The following KLHL8 variants were observed in gnomAD, a reference collection of about 807,000 sequenced individuals.
KLHL8 encodes kelch like family member 8, also known as kelch-like protein 8.
A neutral mutation model predicts 63.5 loss-of-function variants in KLHL8; 38 were observed. That is an observed-to-expected ratio of 0.60 (90% confidence interval 0.46 to 0.78). KLHL8 has a LOEUF of 0.78. KLHL8 is among the 30% of genes least tolerant of loss of function. The pLI is 0.00. For missense variants in KLHL8, 566 were observed against 752.4 expected (o/e 0.75, Z 2.90); for synonymous variants, 224 against 254.3 (o/e 0.88, Z 1.13).
chr4:87,199,837 AAAACAAAC>A (rs1274611221), intron 1 of KLHL8, among the ~76,000 whole-genome samples: 1 of 151,842 alleles, frequency 6.6e-6, no homozygotes, highest in African/African-American at 2.4e-5. Flanking sequence ...AAAACAAAAC[AAAACAAAC>A]AAACAAAAAC....
At chr4:87,229,446 G>C (rs960671434) in intron 1 of KLHL8, among the ~76,000 whole-genome samples, 12 of 150,274 alleles carry the variant, frequency 8.0e-5, no homozygotes, top group African/African-American at 2.9e-4. Flanking sequence ...GGTGGGGGGG[G>C]GTGCAGGGAA....
intron 8 of KLHL8, chr4:87,167,492 G>A: frequency 1.9e-6 from 1 of 531,092 alleles, no homozygotes; most frequent in South Asian, 1.4e-5. Flanking sequence ...GAGGAGGCTG[G>A]GAGCAATTTA....
chr4:87,182,606 C>T (rs1003396499), intron 4 of KLHL8, among the ~76,000 whole-genome samples: 12 of 151,394 alleles, frequency 7.9e-5, no homozygotes, highest in African/African-American at 2.9e-4. Flanking sequence ...AGCATAATGT[C>T]TCAAAAAAAA....
At position 87,220,538 on chromosome 4, in the gene KLHL8, C is replaced by G. The variant is rs989305002; in HGVS notation, c.-272G>C. 6.6e-6 allele frequency: 1 copy of G among 152,114 alleles called. No individual in the cohort carries two copies. Among genetic ancestry groups the G allele is most frequent in the African/African-American group, 2.4e-5 (1 of 41,408 alleles). The allele number at this position is 152,114 out of a possible 1,614,324, so 9.4% of individuals were successfully genotyped here. A position where few individuals can be genotyped will look rare whatever the true frequency, so the allele number is the denominator to read the frequency against. On this transcript the variant is annotated 5_prime_UTR_variant, in exon 1 of 10. Transcript: ENST00000273963. Reference sequence around the variant, plus strand: ...ACCCCGCGCGAGCACCCGGCGGACGCGCGCTCTCCTGCGCGGCCCCGCGGA... The same window carrying G: ...ACCCCGCGCGAGCACCCGGCGGACGGGCGCTCTCCTGCGCGGCCCCGCGGA...
At chr4:87,216,862 T>C (rs765422741) in intron 1 of KLHL8, among the ~76,000 whole-genome samples, 9 of 152,242 alleles carry the variant, frequency 5.9e-5, no homozygotes, top group Non-Finnish European at 1.0e-4. Flanking sequence ...TATAGTTGAT[T>C]ATAGCTTAGA....
At chr4:87,192,604 G>A (rs1013607295) in intron 2 of KLHL8, among the ~76,000 whole-genome samples, 6 of 152,152 alleles carry the variant, frequency 3.9e-5, no homozygotes, top group Non-Finnish European at 8.8e-5. Context: ...TACTACACAC[G>A]TAGGCTGTAG....
chr4:87,229,444 G>T (rs1210108488), intron 1 of KLHL8, among the ~76,000 whole-genome samples: 22 of 150,580 alleles, frequency 1.5e-4, no homozygotes, highest in Non-Finnish European at 2.5e-4. Context: ...TTGGTGGGGG[G>T]GGGTGCAGGG....
chr4:87,168,682 GTGTGTA>G, intron 8 of KLHL8, among the ~76,000 whole-genome samples: 3 of 145,688 alleles, frequency 2.1e-5, no homozygotes, highest in African/African-American at 7.7e-5. Flanking sequence ...GTGTATATAT[GTGTGTA>G]TATATATACG....
chr4:87,224,899 G>GTTTTGT (rs1309843330), upstream of KLHL8, among the ~76,000 whole-genome samples: 2 of 151,926 alleles, frequency 1.3e-5, no homozygotes, highest in Non-Finnish European at 2.9e-5. Context: ...ATATATTGTT[G>GTTTTGT]TTTTGTTTTT....
intron 1 of KLHL8, among the ~76,000 whole-genome samples, chr4:87,229,673 C>T (rs997005250): frequency 1.3e-5 from 2 of 151,722 alleles, no homozygotes; most frequent in Admixed American, 1.3e-4. Context: ...CTCAATTGAT[C>T]CACCTGCCTT....
intron 1 of KLHL8, among the ~76,000 whole-genome samples, chr4:87,197,391 A>C (rs1421220299): frequency 1.3e-5 from 2 of 152,190 alleles, no homozygotes; most frequent in African/African-American, 2.4e-5. Flanking sequence ...AGAGGCTTTC[A>C]CCTGACAGTC....
Position 87,163,396 on chromosome 4 carries a change from AC to A in KLHL8, c.*122del. Reference sequence around the variant, plus strand: ...AAAAGTTGTACTTAGTCACAATACAACAGTTAACATTTAAATAAGACTCTAG... The same window carrying A: ...AAAAGTTGTACTTAGTCACAATACAAAGTTAACATTTAAATAAGACTCTAG... On this transcript the variant is annotated 3_prime_UTR_variant, in exon 10 of 10. Transcript: ENST00000273963. The A allele has an allele frequency of 1.1e-6, 1 of 952,236 alleles. No homozygotes were observed. Among genetic ancestry groups the A allele is most frequent in the Non-Finnish European group, 1.6e-6 (1 of 636,900 alleles). The allele number at this position is 952,236 out of a possible 1,614,324, so 59.0% of individuals were successfully genotyped here. A position where few individuals can be genotyped will look rare whatever the true frequency, so the allele number is the denominator to read the frequency against.
intron 1 of KLHL8, among the ~76,000 whole-genome samples, chr4:87,235,208 C>T (rs921777147): frequency 2.6e-5 from 4 of 152,190 alleles, no homozygotes; most frequent in African/African-American, 9.7e-5. Flanking sequence ...CCCTGACTCA[C>T]CCAGAGCAAC....
intron 1 of KLHL8, chr4:87,207,696 G>A (rs1411764634): frequency 2.1e-6 from 2 of 942,962 alleles, no homozygotes; most frequent in East Asian, 2.4e-5. Context: ...GGGCTCTCCA[G>A]AACATCATCC....
chr4:87,203,674 T>A (rs1167879002), intron 1 of KLHL8, among the ~76,000 whole-genome samples: 1 of 149,632 alleles, frequency 6.7e-6, no homozygotes, highest in African/African-American at 2.4e-5. Context: ...TAAAATATAT[T>A]TTTATGTTAT....
chr4:87,189,679 GA>G (rs879283071), intron 2 of KLHL8, among the ~76,000 whole-genome samples: 13 of 145,492 alleles, frequency 8.9e-5, no homozygotes, highest in East Asian at 2.0e-4. Context: ...TGTTGCTATT[GA>G]AAAAAAAAAG....
intron 5 of KLHL8, among the ~76,000 whole-genome samples, chr4:87,177,887 AT>A (rs1275362111): frequency 6.6e-6 from 1 of 152,074 alleles, no homozygotes; most frequent in Non-Finnish European, 1.5e-5. Flanking sequence ...AATATGATCA[AT>A]TTTTTTCCTC....
At chr4:87,172,178 T>C (rs184209784) in intron 6 of KLHL8, among the ~76,000 whole-genome samples, 2 of 152,282 alleles carry the variant, frequency 1.3e-5, no homozygotes, top group East Asian at 3.9e-4. Flanking sequence ...ACCAAGTGAA[T>C]GCAGTGTGCC....
intron 2 of KLHL8, among the ~76,000 whole-genome samples, chr4:87,186,527 T>C (rs1420422360): frequency 6.6e-6 from 1 of 151,574 alleles, no homozygotes; most frequent in Non-Finnish European, 1.5e-5. Context: ...TTGCCCAGGC[T>C]GGAGTGCAGT....
Sources: allele counts gnomAD v4.1 joint callset (sites outside exome capture counted in the v4.1 genomes callset), GRCh38; gene constraint gnomAD v4.1.1; transcripts MANE v1.5; gene names NCBI Gene and HGNC (gene_info 2026-07-23, HGNC 2026-07-21).